DDX6: variants seen among roughly 807,000 people sequenced by gnomAD.
DDX6 encodes the protein probable ATP-dependent RNA helicase DDX6.
Under a neutral mutation model 60.6 loss-of-function variants are expected in DDX6, and 7 were observed. The ratio of observed to expected loss-of-function variants is 0.12; its 90% CI spans 0.07 to 0.22. The LOEUF (loss-of-function observed/expected upper bound fraction) is 0.22. Among genes scored for constraint, DDX6 ranks in the 10% least tolerant of loss-of-function variants. The pLI is 1.00. For synonymous variants in DDX6, 207 were observed against 201.0 expected, an observed-to-expected ratio of 1.03 and a Z score of -0.25; for missense variants, 270 against 589.9, an observed-to-expected ratio of 0.46 and a Z score of 5.62.
rs1482642051 is a variant in DDX6, at chr11:118,751,636, CAT to C, written c.*467_*468del. Reference sequence around the variant, plus strand: ...TAAAAGATGATATTCTGAATGGTCTCATAGCATAAGGCACTTCGCACAAATAA... The same window carrying C: ...TAAAAGATGATATTCTGAATGGTCTCAGCATAAGGCACTTCGCACAAATAA... On this transcript the variant is annotated 3_prime_UTR_variant, in exon 14 of 14. Coordinates refer to ENST00000534980, the MANE Select transcript of DDX6 (RefSeq NM_004397.6). 5.7e-6 allele frequency: 1 copy of C among 174,890 alleles called. No homozygotes were observed. Among genetic ancestry groups the C allele is most frequent in the African/African-American group, 2.4e-5 (1 of 41,664 alleles). The allele number at this position is 174,890 out of a possible 1,614,324, so 10.8% of individuals were successfully genotyped here. A position where few individuals can be genotyped will look rare whatever the true frequency, so the allele number is the denominator to read the frequency against.
rs1860670241 is a variant in DDX6, at chr11:118,749,351, AAAG to A, written c.*2751_*2753del. The A allele has an allele frequency of 8.7e-6, 1 of 114,422 alleles. No homozygotes were observed. The highest frequency in any genetic ancestry group is 9.5e-5 in the Admixed American group (1 of 10,542). The allele number at this position is 114,422 out of a possible 1,614,324, so 7.1% of individuals were successfully genotyped here. A position where few individuals can be genotyped will look rare whatever the true frequency, so the allele number is the denominator to read the frequency against. On this transcript the variant is annotated 3_prime_UTR_variant, in exon 14 of 14. Coordinates refer to ENST00000534980, the MANE Select transcript of DDX6 (RefSeq NM_004397.6). ...ACAATGCTTATTATGAGGGCCCAAA[AAAG>A]AAAGAAAAAAAAAAAAAAAAAAAAA...
In DDX6 at chr11:118,779,692, C is replaced by T; in HGVS notation, c.309G>A (p.Leu103=). 6.2e-7 allele frequency: 1 copy of T among 1,612,220 alleles called. No homozygotes were observed. Among genetic ancestry groups the T allele is most frequent in the Non-Finnish European group, 8.5e-7 (1 of 1,179,020 alleles). ...AAATTCCCATCAGTAACTCCCGTTT[C>T]AAACAGTAATCTTCAAACTCATTTC... The part of the protein sequence containing the change: ...TKGNEFEDYC[L]KRELLMGIFE... The change falls in exon 4 of 14, where the codon TTG becomes TTA. Residue 103 remains leucine (L), a synonymous_variant. Transcript: ENST00000534980.
chr11:118,789,253 T>C (rs1862186918), intron 1 of DDX6: 2 of 152,028 alleles, frequency 1.3e-5, no homozygotes, highest in Admixed American at 1.3e-4. Context: ...ATTTTTTCTA[T>C]TTTTAGTAGA....
chr11:118,776,989 A>C (rs1250167745), intron 4 of DDX6, among the ~76,000 whole-genome samples: 1 of 152,016 alleles, frequency 6.6e-6, no homozygotes, highest in East Asian at 1.9e-4. Context: ...TCCAGCCAAA[A>C]GCACACTCTC....
intron 1 of DDX6, chr11:118,788,640 C>G (rs1022362816): frequency 6.7e-6 from 1 of 149,612 alleles, no homozygotes; most frequent in Non-Finnish European, 1.5e-5. Flanking sequence ...TCAGGTGATC[C>G]GCCCGCCTCG....
rs565673910 is a variant in DDX6, at chr11:118,751,210, T to C, written c.*895A>G. The C allele has an allele frequency of 9.8e-4, 150 of 152,394 alleles. 1 individual carries two copies. Among genetic ancestry groups the C allele is most frequent in the African/African-American group, 3.5e-3 (145 of 41,476 alleles). The allele number at this position is 152,394 out of a possible 1,614,324, so 9.4% of individuals were successfully genotyped here. A position where few individuals can be genotyped will look rare whatever the true frequency, so the allele number is the denominator to read the frequency against. ...TGACATGTCTACACATCAAGTGCCA[T>C]ACTACTACTGGAGGCATATGTAACC... On this transcript the variant is annotated 3_prime_UTR_variant, in exon 14 of 14. Coordinates refer to ENST00000534980, the MANE Select transcript of DDX6 (RefSeq NM_004397.6).
At chr11:118,756,168 A>C in intron 11 of DDX6, 92 bp downstream of exon 11, 3 of 935,730 alleles carry the variant, frequency 3.2e-6, no homozygotes, top group Non-Finnish European at 3.4e-6. Context: ...GTGTCGGACT[A>C]TGTCACAGGT....
In DDX6 at chr11:118,749,014, C is replaced by G. The variant is rs1555156512; in HGVS notation, c.*3091G>C. The G allele has an allele frequency of 6.6e-6, 1 of 152,204 alleles. No individual in the cohort carries two copies. The highest frequency in any genetic ancestry group is 1.5e-5 in the Non-Finnish European group (1 of 68,032). 9.4% of individuals were successfully genotyped at this position (152,204 alleles called of 1,614,324 possible). A position where few individuals can be genotyped will look rare whatever the true frequency, so the allele number is the denominator to read the frequency against. On this transcript the variant is annotated 3_prime_UTR_variant, in exon 14 of 14. Coordinates refer to ENST00000534980, the MANE Select transcript of DDX6 (RefSeq NM_004397.6). ...TTTAGAGGTATATTTAGGTTTCCCT[C>G]TCTCTTACTTCTGTGAAAGATCATT... is the stretch of plus-strand genomic sequence containing the variant.
chr11:118,788,978 GCTGAAATCTTA>G, intron 1 of DDX6: 1 of 152,142 alleles, frequency 6.6e-6, no homozygotes, highest in South Asian at 2.1e-4. Flanking sequence ...ACCGTGCCCG[GCTGAAATCTTA>G]CTTTTAATTG....
intron 1 of DDX6, chr11:118,788,447 G>T (rs1862153281): frequency 6.6e-6 from 1 of 152,258 alleles, no homozygotes; most frequent in African/African-American, 2.4e-5. Flanking sequence ...ACCCAGGCTG[G>T]AGTGCAATGG....
chr11:118,791,044 GGGCGCGCA>G, intron 1 of DDX6, 46 bp downstream of exon 1: 1 of 148,308 alleles, frequency 6.7e-6, no homozygotes, highest in Admixed American at 6.7e-5. Flanking sequence ...CCGCTCCGAG[GGGCGCGCA>G]GGCCAGCCGC....
intron 9 of DDX6, among the ~76,000 whole-genome samples, chr11:118,757,925 C>A (rs1555159330): frequency 6.6e-6 from 1 of 152,114 alleles, no homozygotes; most frequent in Non-Finnish European, 1.5e-5. Flanking sequence ...ACAACCAATG[C>A]CACCAGCATT....
At chr11:118,753,122 A>G (rs2508563) in intron 13 of DDX6, among the ~76,000 whole-genome samples, 4 of 152,180 alleles carry the variant, frequency 2.6e-5, no homozygotes, top group African/African-American at 9.6e-5. Flanking sequence ...TCTGCCTCCC[A>G]GGTTCAAGAG....
chr11:118,788,655 C>G (rs1235166523), intron 1 of DDX6: 6 of 152,142 alleles, frequency 3.9e-5, no homozygotes, highest in Admixed American at 3.9e-4. Context: ...GCCTCGGCCT[C>G]CCAAAGTGCT....
At chr11:118,754,317 G>C (rs1333401114) in intron 13 of DDX6, among the ~76,000 whole-genome samples, 5 of 152,220 alleles carry the variant, frequency 3.3e-5, no homozygotes, top group Non-Finnish European at 7.3e-5. Flanking sequence ...TACAGTTCCA[G>C]CTACTCAGGA....
chr11:118,765,481 C>T lies in DDX6; in HGVS notation c.500-126G>A, dbSNP rs530270803. On this transcript the variant is annotated intron_variant, in intron 5 of 13. Transcript: ENST00000534980. ...CGCCTTATGATGCAGTGGCTCACAC[C>T]TGTAACTGCACCTTATGATGCAGTG... 2.9e-5 allele frequency: 28 copies of T among 961,732 alleles called. No individual in the cohort carries two copies. In the African/African-American group the frequency reaches 3.7e-4, roughly 13 times the overall value. 59.6% of individuals were successfully genotyped at this position (961,732 alleles called of 1,614,324 possible).
intron 4 of DDX6, among the ~76,000 whole-genome samples, chr11:118,774,819 A>G (rs1861646176): frequency 6.6e-6 from 1 of 152,196 alleles, no homozygotes; most frequent in Non-Finnish European, 1.5e-5. Flanking sequence ...GGCAGTTTTA[A>G]TATTTAGGGG....
intron 12 of DDX6, 37 bp from the exon 13 acceptor site, chr11:118,754,924 A>G (rs1860913072): frequency 6.5e-7 from 1 of 1,541,778 alleles, no homozygotes; most frequent in Non-Finnish European, 8.8e-7. Flanking sequence ...AATGAATAAA[A>G]TATGAAAATC....
Position 118,786,060 on chromosome 11 carries a change from G to A in DDX6, c.192C>T (p.Thr64=), listed in dbSNP as rs756544198. The A allele has an allele frequency of 6.2e-7, 1 of 1,613,016 alleles. No homozygotes were observed. Among genetic ancestry groups the A allele is most frequent in the Non-Finnish European group, 8.5e-7 (1 of 1,179,388 alleles). Residue 64 remains threonine, a synonymous_variant, in exon 2 of 14, where the codon ACC becomes ACT. Transcript: ENST00000534980. Reference sequence around the variant, plus strand: ...TTTACTCTAACACTTACTTAATAGTGGTGGTCATACTCTGTGCTTGCTGCT... The same window carrying A: ...TTTACTCTAACACTTACTTAATAGTAGTGGTCATACTCTGTGCTTGCTGCT... The part of the protein sequence containing the change: ...GTQQQAQSMT[T]TIKPGDDWKK...
Sources: allele counts gnomAD v4.1 joint callset (sites outside exome capture counted in the v4.1 genomes callset), GRCh38; gene constraint gnomAD v4.1.1; transcripts MANE v1.5; gene names NCBI Gene and HGNC (gene_info 2026-07-23, HGNC 2026-07-21).